KLF12: variants seen among roughly 807,000 people sequenced by gnomAD.
KLF12 encodes KLF transcription factor 12.
Under a neutral mutation model 37.8 loss-of-function variants are expected in KLF12, and 9 were observed. The observed-to-expected ratio is 0.24, with a 90% CI of 0.14 to 0.42. KLF12 has a LOEUF of 0.42. Ranked by LOEUF, KLF12 falls within the 10% of genes least tolerant of loss-of-function variation. The pLI, the probability that KLF12 is intolerant of heterozygous loss-of-function variation, is 1.00. For synonymous variants in KLF12, 208 were observed against 202.1 expected, an observed-to-expected ratio of 1.03 and a Z score of -0.25; for missense variants, 411 against 516.0, an observed-to-expected ratio of 0.80 and a Z score of 1.97.
intron 5 of KLF12, among the ~76,000 whole-genome samples, chr13:73,769,779 A>C (rs887791059): frequency 3.3e-5 from 5 of 152,196 alleles, no homozygotes; most frequent in African/African-American, 4.8e-5. Context: ...TGCTCAGGCC[A>C]AAAACCCTTA....
intron 6 of KLF12, among the ~76,000 whole-genome samples, chr13:73,721,533 G>A (rs1280538086): frequency 1.3e-5 from 2 of 152,076 alleles, no homozygotes; most frequent in Non-Finnish European, 2.9e-5. Context: ...ACCAAAGAAA[G>A]TATTTTCTTT....
chr13:74,294,166 A>T, the KLF12 span, among the ~76,000 whole-genome samples: 1 of 152,162 alleles, frequency 6.6e-6, no homozygotes, highest in Non-Finnish European at 1.5e-5. Context: ...ACTTTGAGTA[A>T]GTAGCAGGAG....
At chr13:73,815,230 G>A (rs567892310) in intron 4 of KLF12, among the ~76,000 whole-genome samples, 30 of 152,254 alleles carry the variant, frequency 2.0e-4, no homozygotes, top group Admixed American at 7.8e-4. Context: ...GAAACTGTAG[G>A]GCAAAGCAAC....
intron 3 of KLF12, among the ~76,000 whole-genome samples, chr13:73,857,263 A>T (rs1349018958): frequency 1.3e-5 from 2 of 152,154 alleles, no homozygotes; most frequent in Non-Finnish European, 2.9e-5. Context: ...CACTGATTTA[A>T]ATAGCACTGT....
At chr13:73,831,911 A>G (rs535666669) in intron 4 of KLF12, among the ~76,000 whole-genome samples, 1 of 152,214 alleles carries the variant, frequency 6.6e-6, no homozygotes, top group Non-Finnish European at 1.5e-5. Flanking sequence ...ATTTTGGGGA[A>G]CCCAAGTTAT....
intron 2 of KLF12, among the ~76,000 whole-genome samples, chr13:73,960,627 C>T (rs1335943244): frequency 2.6e-5 from 4 of 152,118 alleles, no homozygotes; most frequent in African/African-American, 4.8e-5. Flanking sequence ...CATATATACT[C>T]ATGTTACAGT....
At chr13:73,901,163 T>C (rs1181668909) in intron 3 of KLF12, among the ~76,000 whole-genome samples, 3 of 152,222 alleles carry the variant, frequency 2.0e-5, no homozygotes, top group African/African-American at 7.2e-5. Context: ...TCAGCAAACA[T>C]CCTACAATTA....
rs147896483 is a variant in KLF12 at position 73,876,939 on chromosome 13, C to T, written c.124-30566G>A. On this transcript the variant is annotated intron_variant, in intron 3 of 7. Coordinates refer to ENST00000377669, the MANE Select transcript of KLF12 (RefSeq NM_007249.5). ...CTGAGGCAGGAGAATCACTTGAATC[C>T]GGGAGGCAAACGTTGCAGTGAGCAG... 1.6e-4 allele frequency among the ~76,000 whole-genome samples: 24 copies of T among 151,346 alleles called. 1 individual carries two copies. The East Asian group carries it at 2.9e-3, about 18-fold the overall frequency.
intron 2 of KLF12, among the ~76,000 whole-genome samples, chr13:73,966,842 T>A (rs912998473): frequency 7.2e-5 from 11 of 152,346 alleles, no homozygotes; most frequent in African/African-American, 2.6e-4. Flanking sequence ...TGCAGCTGAC[T>A]TCTAGCTAAC....
chr13:73,966,987 G>C (rs73222712), intron 2 of KLF12, among the ~76,000 whole-genome samples: 4,284 of 152,224 alleles, frequency 0.028, 91 homozygotes, highest in Middle Eastern at 0.041. Context: ...CTTATAAATA[G>C]TAACCAAAAT....
At chr13:74,245,416 G>A in the KLF12 span, among the ~76,000 whole-genome samples, 59 of 152,070 alleles carry the variant, frequency 3.9e-4, no homozygotes, top group African/African-American at 1.4e-3. Context: ...TGCTAGGAAA[G>A]TAATATAGGA....
chr13:74,248,940 G>A, the KLF12 span, among the ~76,000 whole-genome samples: 1 of 152,102 alleles, frequency 6.6e-6, no homozygotes, highest in Non-Finnish European at 1.5e-5. Flanking sequence ...AAATGTGTGG[G>A]AACAATGGAC....
chr13:73,764,351 T>C (rs1175739152), intron 6 of KLF12, among the ~76,000 whole-genome samples: 1 of 152,178 alleles, frequency 6.6e-6, no homozygotes, highest in Non-Finnish European at 1.5e-5. Flanking sequence ...TTTAAATCGC[T>C]TCTCTAAAGA....
At chr13:74,127,095 C>T (rs1172581587) in intron 1 of KLF12, among the ~76,000 whole-genome samples, 1 of 152,160 alleles carries the variant, frequency 6.6e-6, no homozygotes, top group Non-Finnish European at 1.5e-5. Flanking sequence ...GCCCTGAACT[C>T]TGGGATCAAG....
chr13:73,917,231 C>A (rs1473638137), intron 3 of KLF12, among the ~76,000 whole-genome samples: 1 of 152,110 alleles, frequency 6.6e-6, no homozygotes, highest in African/African-American at 2.4e-5. Context: ...CTATAAAAAA[C>A]TCAATACATA....
At chr13:74,217,627 T>G in the KLF12 span, among the ~76,000 whole-genome samples, 30,523 of 152,002 alleles carry the variant, frequency 0.2, 3,961 homozygotes, top group African/African-American at 0.37. Context: ...CTCAGGAGGC[T>G]GAGGCAGGAG....
the KLF12 span, among the ~76,000 whole-genome samples, chr13:74,263,827 G>T: frequency 6.6e-6 from 1 of 152,178 alleles, no homozygotes; most frequent in African/African-American, 2.4e-5. Flanking sequence ...ATACTCCATG[G>T]ATTCTTGACC....
At chr13:73,736,746 G>A (rs1004911406) in intron 6 of KLF12, among the ~76,000 whole-genome samples, 2 of 152,142 alleles carry the variant, frequency 1.3e-5, no homozygotes, top group African/African-American at 4.8e-5. Flanking sequence ...GTGGTCAAGT[G>A]TTCAAACATG....
At chr13:73,992,453 T>C (rs1390763099) in intron 2 of KLF12, among the ~76,000 whole-genome samples, 4 of 152,346 alleles carry the variant, frequency 2.6e-5, no homozygotes, top group South Asian at 4.1e-4. Context: ...AAAAGTTGTG[T>C]TTGTTTTTTG....
Sources: gnomAD v4.1 joint callset for allele counts (sites outside exome capture counted in the v4.1 genomes callset) on GRCh38, gnomAD v4.1.1 for gene constraint, MANE v1.5 for transcripts, NCBI Gene and HGNC (gene_info 2026-07-23, HGNC 2026-07-21) for gene names.